FAM200B: variants seen among roughly 807,000 people sequenced by gnomAD.
FAM200B encodes protein FAM200B.
A neutral mutation model predicts 33.1 loss-of-function variants in FAM200B; 32 were observed. The ratio of observed to expected loss-of-function variants is 0.97; its 90% CI spans 0.73 to 1.30. The LOEUF (loss-of-function observed/expected upper bound fraction) is 1.30. Ranked by LOEUF, FAM200B falls within the 50% of genes most tolerant of loss-of-function variation. FAM200B has a pLI of 0.00. For synonymous variants in FAM200B, 240 were observed against 264.8 expected (o/e 0.91, Z 0.91); for missense variants, 741 against 754.0 (o/e 0.98, Z 0.20).
chr4:15,673,038 G>A, the FAM200B span, among the ~76,000 whole-genome samples: 2 of 152,100 alleles, frequency 1.3e-5, no homozygotes, highest in Non-Finnish European at 2.9e-5. Context: ...CATGCACAAA[G>A]CTGTCATCTA....
the FAM200B span, chr4:15,638,358 A>G: frequency 2.0e-6 from 1 of 495,858 alleles, no homozygotes; most frequent in South Asian, 4.2e-5. Context: ...CATCGTCTTC[A>G]ATTAAATTGA....
chr4:15,687,759 T>A lies in FAM200B; in HGVS notation c.782T>A (p.Leu261Ter). The A allele has an allele frequency of 6.4e-7, 1 of 1,550,574 alleles. No homozygotes were observed. The highest frequency in any genetic ancestry group is 8.7e-7 in the Non-Finnish European group (1 of 1,146,454). The change falls in exon 2 of 2, where the codon TTA becomes TAA. Residue 261 changes from leucine to a stop codon, truncating the protein, a stop_gained. Coordinates refer to ENST00000422728, the MANE Select transcript of FAM200B (RefSeq NM_001145191.2). LOFTEE classifies it high-confidence loss of function. ...TTTTTGGAGGATTTTTTGTGTTTTTTAAATTTAACCTCACACCTAAGTGGA... is the reference window on the plus strand; with the variant it reads ...TTTTTGGAGGATTTTTTGTGTTTTTAAAATTTAACCTCACACCTAAGTGGA... ...DDFLEDFLCF[L>*]NLTSHLSGLD...
At chr4:15,674,946 G>C in the FAM200B span, among the ~76,000 whole-genome samples, 14,060 of 152,122 alleles carry the variant, frequency 0.092, 795 homozygotes, top group Non-Finnish European at 0.13. Flanking sequence ...ACCGCACCCA[G>C]TCGGTTATGG....
chr4:15,659,712 C>T, the FAM200B span: 1 of 984,726 alleles, frequency 1.0e-6, no homozygotes, highest in African/African-American at 1.7e-5. Context: ...CCAAATATAC[C>T]TTTATGTCAC....
At chr4:15,640,783 C>T in the FAM200B span, 29 of 1,460,146 alleles carry the variant, frequency 2.0e-5, no homozygotes, top group African/African-American at 3.3e-5. Context: ...AAAAATTATG[C>T]TTACCTCCTC....
At chr4:15,663,950 T>C in the FAM200B span, among the ~76,000 whole-genome samples, 1 of 152,222 alleles carries the variant, frequency 6.6e-6, no homozygotes, top group African/African-American at 2.4e-5. Flanking sequence ...TTTTAGAGTA[T>C]TTATATTCAC....
At chr4:15,641,487 TATG>T in the FAM200B span, 1 of 369,406 alleles carries the variant, frequency 2.7e-6, no homozygotes, top group East Asian at 7.8e-5. Context: ...TTTTCTTCCG[TATG>T]ATGTTCTTAG....
At chr4:15,675,265 T>C in the FAM200B span, among the ~76,000 whole-genome samples, 3 of 152,186 alleles carry the variant, frequency 2.0e-5, no homozygotes, top group African/African-American at 4.8e-5. Context: ...TAATTTATAC[T>C]TAACATTTAT....
At chr4:15,661,955 G>A in the FAM200B span, among the ~76,000 whole-genome samples, 1 of 152,134 alleles carries the variant, frequency 6.6e-6, no homozygotes, top group African/African-American at 2.4e-5. Flanking sequence ...CTCACCACAT[G>A]GTACTCTCTA....
At position 15,689,897 on chromosome 4, in the gene FAM200B, C is replaced by G. The variant is rs1053744454; in HGVS notation, c.*946C>G. The G allele has an allele frequency of 1.2e-5, 2 of 167,018 alleles. No individual in the cohort carries two copies. Among genetic ancestry groups the G allele is most frequent in the Non-Finnish European group, 2.9e-5 (2 of 68,112 alleles). 10.3% of individuals were successfully genotyped at this position (167,018 alleles called of 1,614,324 possible). ...ATATAATTTGTAATAATTTTGATTA[C>G]TGATTGTCATTCTGCCACCCTGGAG... On this transcript the variant is annotated 3_prime_UTR_variant, in exon 2 of 2. Coordinates refer to ENST00000422728, the MANE Select transcript of FAM200B (RefSeq NM_001145191.2).
At chr4:15,673,152 T>C in the FAM200B span, among the ~76,000 whole-genome samples, 1 of 152,066 alleles carries the variant, frequency 6.6e-6, no homozygotes, top group African/African-American at 2.4e-5. Flanking sequence ...TACTCTAAAA[T>C]AACAATAGGG....
the FAM200B span, among the ~76,000 whole-genome samples, chr4:15,672,767 T>C: frequency 1.3e-5 from 2 of 152,198 alleles, no homozygotes; most frequent in Non-Finnish European, 2.9e-5. Flanking sequence ...ATGTTTTTCT[T>C]CAACAGTAAA....
the FAM200B span, among the ~76,000 whole-genome samples, chr4:15,645,171 A>G: frequency 0.46 from 69,819 of 151,660 alleles, 16,446 homozygotes; most frequent in Non-Finnish European, 0.5. Context: ...CTAAAATGGA[A>G]CATAATCTAA....
rs1560266131 is a variant in FAM200B, at chr4:15,688,269, A to G, written c.1292A>G (p.Tyr431Cys). 4 of 1,548,662 alleles carry G rather than the reference A, an allele frequency of 2.6e-6. No individual in the cohort carries two copies. Among genetic ancestry groups the G allele is most frequent in the Middle Eastern group, 1.7e-4 (1 of 5,972 alleles). Residue 431 changes from tyrosine (Y) to cysteine (C), a missense_variant, in exon 2 of 2, where the codon TAT (tyrosine) becomes TGT (cysteine). By Grantham distance (194) the Tyr-to-Cys change is radical (BLOSUM62 -2). Transcript: ENST00000422728. ...EDDTWVTKLA[Y>C]LTDIFSILNE... is the part of the protein sequence containing the mutation. The stretch of plus-strand genomic sequence containing the variant: ...GATACTTGGGTAACAAAATTGGCAT[A>G]TTTAACTGATATTTTTAGCATTCTT...
Position 15,688,770 on chromosome 4 carries a change from G to T in FAM200B, c.1793G>T (p.Ser598Ile), listed in dbSNP as rs1457869209. 3 of 1,551,024 alleles carry T rather than the reference G, an allele frequency of 1.9e-6. No homozygotes were observed. The highest frequency in any genetic ancestry group is 2.6e-6 in the Non-Finnish European group (3 of 1,146,580). Residue 598 changes from serine (S) to isoleucine (I), a missense_variant, in exon 2 of 2, where the codon AGT (serine) becomes ATT (isoleucine). Transcript: ENST00000422728. ...GACTTTCCATTGTTAAGTAGAAAGA[G>T]TGTCCTGCTATTGCTACCATTCACA... ...KEDFPLLSRK[S>I]VLLLLPFTTT...
At chr4:15,641,647 A>G in the FAM200B span, 5 of 448,776 alleles carry the variant, frequency 1.1e-5, no homozygotes, top group Non-Finnish European at 1.3e-5. Flanking sequence ...AAGTTTTGAG[A>G]GATTCAAAAG....
the FAM200B span, chr4:15,641,648 G>C: frequency 2.2e-6 from 1 of 448,796 alleles, no homozygotes; most frequent in Non-Finnish European, 4.4e-6. Flanking sequence ...AGTTTTGAGA[G>C]ATTCAAAAGT....
the FAM200B span, among the ~76,000 whole-genome samples, chr4:15,670,801 C>G: frequency 6.6e-6 from 1 of 151,520 alleles, no homozygotes; most frequent in East Asian, 1.9e-4. Context: ...ACCTGCCTGA[C>G]TTAACTTCCT....
chr4:15,671,090 A>G, the FAM200B span, among the ~76,000 whole-genome samples: 1 of 151,252 alleles, frequency 6.6e-6, no homozygotes, highest in African/African-American at 2.4e-5. Context: ...CACCCAGCTA[A>G]TTTTTGTATT....
Sources: allele counts gnomAD v4.1 joint callset (sites outside exome capture counted in the v4.1 genomes callset), GRCh38; gene constraint gnomAD v4.1.1; transcripts MANE v1.5; gene names NCBI Gene and HGNC (gene_info 2026-07-23, HGNC 2026-07-21).